Variants in LIMA1 observed in about 807,000 individuals in gnomAD.
LIMA1 encodes the protein LIM domain and actin binding 1.
A neutral mutation model predicts 62.6 loss-of-function variants in LIMA1; 52 were observed. The ratio of observed to expected loss-of-function variants is 0.83; its 90% CI spans 0.67 to 1.05. LIMA1 has a LOEUF of 1.05. Among genes scored for constraint, LIMA1 ranks in the 50% least tolerant of loss-of-function variants. The probability of loss-of-function intolerance (pLI) is 0.00; values close to 1 mark genes in which losing one functional copy is unlikely to be tolerated. For missense variants in LIMA1, 780 were observed against 902.2 expected (o/e 0.86, Z 1.74); for synonymous variants, 302 against 317.8 (o/e 0.95, Z 0.53).
At chr12:50,265,183 G>C (rs1255270604) in intron 1 of LIMA1, among the ~76,000 whole-genome samples, 4 of 151,470 alleles carry the variant, frequency 2.6e-5, no homozygotes, top group African/African-American at 4.9e-5. Context: ...TGTTACATTT[G>C]CTTCAGCTGT....
In LIMA1 at chr12:50,177,276, C is replaced by A; in HGVS notation, c.2068G>T (p.Asp690Tyr). 1 of 1,614,144 alleles carries A rather than the reference C, an allele frequency of 6.2e-7. No individual in the cohort carries two copies. Among genetic ancestry groups the A allele is most frequent in the Non-Finnish European group, 8.5e-7 (1 of 1,180,020 alleles). ...VENGADSDED[D>Y]NSFLKQQSPQ... is the part of the protein sequence containing the mutation. ...GATTGTTGTTTGAGGAAGCTGTTAT[C>A]ATCTTCATCGGAGTCTGCACCATTT... is the stretch of plus-strand genomic sequence containing the variant. Residue 690 changes from aspartate (D) to tyrosine (Y), a missense_variant, in exon 11 of 11, where the codon GAT becomes TAT. Coordinates refer to ENST00000341247, the MANE Select transcript of LIMA1 (RefSeq NM_016357.5).
chr12:50,271,830 T>G (rs187230328), intron 1 of LIMA1, among the ~76,000 whole-genome samples: 6 of 152,284 alleles, frequency 3.9e-5, no homozygotes, highest in African/African-American at 1.4e-4. Flanking sequence ...AGTGTTACAC[T>G]AGTACTGAAT....
intron 4 of LIMA1, among the ~76,000 whole-genome samples, chr12:50,208,864 C>T (rs1592521101): frequency 6.6e-6 from 1 of 150,818 alleles, no homozygotes; most frequent in Admixed American, 6.6e-5. Context: ...TACAGTGAGC[C>T]GTGACCGCAC....
At chr12:50,208,637 G>A (rs955542897) in intron 4 of LIMA1, among the ~76,000 whole-genome samples, 3 of 152,080 alleles carry the variant, frequency 2.0e-5, no homozygotes, top group Non-Finnish European at 4.4e-5. Context: ...GCAACAGAGT[G>A]TGACCCTGTC....
intron 2 of LIMA1, among the ~76,000 whole-genome samples, chr12:50,247,140 C>G (rs935003474): frequency 2.0e-5 from 3 of 151,948 alleles, no homozygotes; most frequent in African/African-American, 7.2e-5. Flanking sequence ...CCTGTCTCAA[C>G]ATTTTTTTTT....
intron 2 of LIMA1, among the ~76,000 whole-genome samples, chr12:50,247,641 T>TTATTATTATTATTATTATTATTA (rs1433679716): frequency 1.9e-5 from 1 of 51,736 alleles, no homozygotes; most frequent in African/African-American, 1.1e-4. Flanking sequence ...TATTATTATT[T>TTATTATTATTATTATTATTATTA]AAGACAGAGT....
chr12:50,272,078 A>G (rs1942218380), intron 1 of LIMA1, among the ~76,000 whole-genome samples: 2 of 152,152 alleles, frequency 1.3e-5, no homozygotes, highest in Non-Finnish European at 2.9e-5. Flanking sequence ...GTTTTCTCCA[A>G]ATACAGGGCT....
chr12:50,211,758 C>T (rs145208699), intron 4 of LIMA1, among the ~76,000 whole-genome samples: 3 of 151,984 alleles, frequency 2.0e-5, no homozygotes, highest in South Asian at 2.1e-4. Flanking sequence ...GGAGGGGTTT[C>T]CTCCAATATT....
chr12:50,280,078 G>C (rs746577958), intron 1 of LIMA1, among the ~76,000 whole-genome samples: 38 of 148,028 alleles, frequency 2.6e-4, no homozygotes, highest in Non-Finnish European at 5.9e-5. Context: ...CTTGTTATCA[G>C]AAGTACAAAA....
chr12:50,202,344 A>C (rs1218971498), intron 6 of LIMA1, among the ~76,000 whole-genome samples: 1 of 152,174 alleles, frequency 6.6e-6, no homozygotes, highest in Non-Finnish European at 1.5e-5. Flanking sequence ...CAACTCTTAA[A>C]ATCTCCAGAG....
At chr12:50,180,200 T>C (rs532819345) in intron 10 of LIMA1, among the ~76,000 whole-genome samples, 1 of 151,386 alleles carries the variant, frequency 6.6e-6, no homozygotes, top group South Asian at 2.1e-4. Flanking sequence ...CTCGGGAGGC[T>C]GAGGCAGGAG....
At chr12:50,196,036 G>A (rs1170152253) in intron 7 of LIMA1, 149 bp from the exon 8 acceptor site, 9 of 713,932 alleles carry the variant, frequency 1.3e-5, no homozygotes, top group Admixed American at 3.3e-5. Context: ...CAGAACAGCT[G>A]AGCATTTGAA....
chr12:50,245,997 G>T (rs1941843497), intron 2 of LIMA1, among the ~76,000 whole-genome samples: 1 of 152,052 alleles, frequency 6.6e-6, no homozygotes, highest in Non-Finnish European at 1.5e-5. Context: ...ACTTTGGGAG[G>T]TCGAGGTGGG....
At chr12:50,184,931 A>T (rs1222917908) in intron 9 of LIMA1, among the ~76,000 whole-genome samples, 1 of 152,110 alleles carries the variant, frequency 6.6e-6, no homozygotes, top group African/African-American at 2.4e-5. Flanking sequence ...TTCCGGGTTC[A>T]AGCGATTCTC....
chr12:50,256,148 C>G (rs1281955947), intron 1 of LIMA1: 1 of 152,122 alleles, frequency 6.6e-6, no homozygotes. Context: ...CCCGCCTCGG[C>G]CTTCCAAAGT....
chr12:50,251,978 A>G (rs1282188376), intron 1 of LIMA1, among the ~76,000 whole-genome samples: 3 of 152,210 alleles, frequency 2.0e-5, no homozygotes, highest in Non-Finnish European at 4.4e-5. Context: ...AGGCTATTGA[A>G]TAACTACTTC....
rs187197909 is a variant in LIMA1, at chr12:50,241,728, C to T, written c.119+6905G>A. Among the ~76,000 whole-genome samples the T allele has an allele frequency of 6.9e-4, 105 of 152,138 alleles. 1 individual carries two copies. The South Asian group carries it at 0.017, about 25-fold the overall frequency. On this transcript the variant is annotated intron_variant, in intron 2 of 10. Transcript: ENST00000341247. ...TTTTATATTTTGTACTCTTAGATTG[C>T]CACAAGACTGAGGCTCAATACTTCT...
At chr12:50,265,209 G>C (rs892972921) in intron 1 of LIMA1, among the ~76,000 whole-genome samples, 4 of 151,846 alleles carry the variant, frequency 2.6e-5, no homozygotes, top group Admixed American at 1.3e-4. Context: ...TTTTTAGCTT[G>C]AAAGTTGCTG....
At position 50,191,108 on chromosome 12, in the gene LIMA1, C is replaced by CAAA. The variant is rs745749669; in HGVS notation, c.1140+1341_1140+1343dup. ...TGGGTGACAAAGTGAGAACCTGTCT[C>CAAA]AAAAAAAAAAAAAAAAAAAAAAGCT... On this transcript the variant is annotated intron_variant, in intron 9 of 10. Transcript: ENST00000341247. Among the ~76,000 whole-genome samples the CAAA allele has an allele frequency of 9.2e-3, 428 of 46,620 alleles. 5 individuals carry two copies. Among genetic ancestry groups the CAAA allele is most frequent in the African/African-American group, 0.028 (411 of 14,762 alleles). 30.6% of individuals were successfully genotyped at this position (46,620 alleles called of 152,430 possible). A position where few individuals can be genotyped will look rare whatever the true frequency, so the allele number is the denominator to read the frequency against.
Sources: allele counts gnomAD v4.1 joint callset (sites outside exome capture counted in the v4.1 genomes callset), GRCh38; gene constraint gnomAD v4.1.1; transcripts MANE v1.5; gene names NCBI Gene and HGNC (gene_info 2026-07-23, HGNC 2026-07-21).